Variants in AUTS2 observed in about 807,000 individuals in gnomAD.
The protein encoded by AUTS2 is autism susceptibility gene 2 protein.
A neutral mutation model predicts 112.4 loss-of-function variants in AUTS2; 17 were observed. The ratio of observed to expected loss-of-function variants is 0.15; its 90% CI spans 0.10 to 0.23. The LOEUF is 0.23. AUTS2 is among the 10% of genes least tolerant of loss of function. The pLI is 1.00. For synonymous variants in AUTS2, 751 were observed against 702.7 expected (o/e 1.07, Z -1.09); for missense variants, 1,510 against 1,701.6 (o/e 0.89, Z 1.98).
At chr7:70,579,244 T>TAAAAAAAAAAAAAACAAAAAA (rs1802319026) in intron 5 of AUTS2, among the ~76,000 whole-genome samples, 1 of 55,868 alleles carries the variant, frequency 1.8e-5, no homozygotes, top group African/African-American at 6.9e-5. Flanking sequence ...TTCTCTTTTC[T>TAAAAAAAAAAAAAACAAAAAA]AAAAAAAAAA....
intron 2 of AUTS2, among the ~76,000 whole-genome samples, chr7:69,935,998 T>A (rs1356373550): frequency 6.6e-6 from 1 of 152,180 alleles, no homozygotes; most frequent in Non-Finnish European, 1.5e-5. Context: ...CATATCTGAA[T>A]TTGTGCGGCA....
intron 2 of AUTS2, among the ~76,000 whole-genome samples, chr7:69,908,534 C>A (rs1181761878): frequency 6.6e-6 from 1 of 152,170 alleles, no homozygotes; most frequent in Non-Finnish European, 1.5e-5. Flanking sequence ...CTGTGGGGGA[C>A]CACCTTATGT....
At chr7:70,257,851 G>A (rs1377237280) in intron 4 of AUTS2, among the ~76,000 whole-genome samples, 1 of 152,180 alleles carries the variant, frequency 6.6e-6, no homozygotes, top group African/African-American at 2.4e-5. Flanking sequence ...CAGTGTGTGA[G>A]TATAGAATTG....
intron 5 of AUTS2, among the ~76,000 whole-genome samples, chr7:70,506,235 G>T (rs1798955919): frequency 6.6e-6 from 1 of 152,212 alleles, no homozygotes; most frequent in Admixed American, 6.5e-5. Context: ...GCAGGGCAAG[G>T]GGGTGGTGAG....
chr7:70,000,722 A>G (rs538373899), intron 2 of AUTS2, among the ~76,000 whole-genome samples: 1 of 152,320 alleles, frequency 6.6e-6, no homozygotes, highest in African/African-American at 2.4e-5. Flanking sequence ...AGAACAGATG[A>G]TTAAAGAGAG....
intron 1 of AUTS2, among the ~76,000 whole-genome samples, chr7:69,787,441 T>C (rs1038810276): frequency 1.3e-5 from 2 of 152,248 alleles, no homozygotes; most frequent in East Asian, 3.8e-4. Flanking sequence ...TAAAGTCTTT[T>C]GTTGGCGAGA....
At chr7:70,051,746 T>C (rs979272844) in intron 2 of AUTS2, among the ~76,000 whole-genome samples, 11 of 152,178 alleles carry the variant, frequency 7.2e-5, no homozygotes, top group Admixed American at 6.5e-5. Flanking sequence ...TTGTGGAATC[T>C]AATAGCTGTA....
intron 2 of AUTS2, among the ~76,000 whole-genome samples, chr7:69,943,782 A>G (rs968982480): frequency 1.3e-4 from 20 of 152,306 alleles, no homozygotes; most frequent in African/African-American, 4.6e-4. Context: ...ATGCAAAGGG[A>G]CATAGAAGAA....
At chr7:69,855,115 A>G (rs1448277376) in intron 1 of AUTS2, among the ~76,000 whole-genome samples, 2 of 152,218 alleles carry the variant, frequency 1.3e-5, no homozygotes, top group African/African-American at 4.8e-5. Context: ...GAATGCTGGG[A>G]AAAGAAAGGG....
intron 1 of AUTS2, among the ~76,000 whole-genome samples, chr7:69,774,153 C>T (rs1038424135): frequency 1.3e-5 from 2 of 152,210 alleles, no homozygotes; most frequent in Admixed American, 6.5e-5. Context: ...TGGCTCAAGC[C>T]TATAATCCCA....
At chr7:70,645,720 T>A (rs888258873) in intron 5 of AUTS2, among the ~76,000 whole-genome samples, 3 of 152,190 alleles carry the variant, frequency 2.0e-5, no homozygotes, top group African/African-American at 7.2e-5. Context: ...AGTATATCAT[T>A]GCTGCATTTA....
At chr7:69,974,656 T>G (rs1797985148) in intron 2 of AUTS2, among the ~76,000 whole-genome samples, 1 of 152,152 alleles carries the variant, frequency 6.6e-6, no homozygotes, top group Admixed American at 6.5e-5. Flanking sequence ...TCTGCCTTTT[T>G]GTTCTGTTTG....
intron 6 of AUTS2, among the ~76,000 whole-genome samples, chr7:70,711,341 T>C (rs1233102080): frequency 6.6e-6 from 1 of 152,218 alleles, no homozygotes; most frequent in Non-Finnish European, 1.5e-5. Context: ...CCAGGTATCT[T>C]ATCTTATTCA....
chr7:70,471,521 T>C (rs1797382286), intron 5 of AUTS2, among the ~76,000 whole-genome samples: 1 of 152,196 alleles, frequency 6.6e-6, no homozygotes, highest in Non-Finnish European at 1.5e-5. Context: ...ACCTCCCTAA[T>C]TTCAATTAAT....
At chr7:70,718,596 G>A (rs538945974) in intron 6 of AUTS2, among the ~76,000 whole-genome samples, 5 of 152,280 alleles carry the variant, frequency 3.3e-5, no homozygotes, top group African/African-American at 9.6e-5. Context: ...CTGGGAAGCC[G>A]TGGTTGCAGT....
chr7:69,881,788 C>T (rs1372840110), intron 1 of AUTS2, among the ~76,000 whole-genome samples: 2 of 152,140 alleles, frequency 1.3e-5, no homozygotes, highest in Non-Finnish European at 2.9e-5. Context: ...GGAAGAAATG[C>T]TGGAACTTTA....
chr7:69,667,319 C>A (rs1351378854), intron 1 of AUTS2, among the ~76,000 whole-genome samples: 2 of 151,202 alleles, frequency 1.3e-5, no homozygotes, highest in Non-Finnish European at 2.9e-5. Flanking sequence ...CAAACCATAG[C>A]AGTGCCAAAA....
At chr7:69,859,732 C>T (rs895834481) in intron 1 of AUTS2, among the ~76,000 whole-genome samples, 7 of 152,188 alleles carry the variant, frequency 4.6e-5, no homozygotes, top group African/African-American at 1.7e-4. Flanking sequence ...AATTCTACTT[C>T]AGATAGATGC....
At chr7:70,365,916 T>C (rs1055269327) in intron 4 of AUTS2, among the ~76,000 whole-genome samples, 1 of 152,146 alleles carries the variant, frequency 6.6e-6, no homozygotes, top group Admixed American at 6.5e-5. Flanking sequence ...AAAGCTCAAA[T>C]GGAAAGAGAC....
Sources: gnomAD v4.1 joint callset for allele counts (sites outside exome capture counted in the v4.1 genomes callset) on GRCh38, gnomAD v4.1.1 for gene constraint, MANE v1.5 for transcripts, NCBI Gene and HGNC (gene_info 2026-07-23, HGNC 2026-07-21) for gene names.